TLE2: variants seen among roughly 807,000 people sequenced by gnomAD.
The protein encoded by TLE2 is TLE family member 2, transcriptional corepressor, also known as transducin-like enhancer protein 2.
In TLE2, 74 loss-of-function variants were observed where a neutral mutation model predicts 97.2. The ratio of observed to expected loss-of-function variants is 0.76; its 90% CI spans 0.63 to 0.92. TLE2 has a LOEUF of 0.92. Ranked by LOEUF, TLE2 falls within the 40% of genes least tolerant of loss-of-function variation. TLE2 has a pLI of 0.00. For missense variants in TLE2, 1,038 were observed against 1,008.7 expected, an observed-to-expected ratio of 1.03 and a Z score of -0.39; for synonymous variants, 499 against 432.1, an observed-to-expected ratio of 1.15 and a Z score of -1.92.
At chr19:3,009,495 C>A (rs1327680698) in intron 13 of TLE2, 47 bp downstream of exon 13, 1 of 1,542,342 alleles carries the variant, frequency 6.5e-7, no homozygotes. Flanking sequence ...CGGCCCCCAG[C>A]CCCTGGGCCC....
rs372996757 is a variant in TLE2 at position 3,013,627 on chromosome 19, G to A, written c.873+42C>T. 10 of 1,339,342 alleles carry A rather than the reference G, an allele frequency of 7.5e-6. No individual in the cohort carries two copies. The African/African-American group carries it at 7.5e-5, about 10-fold the overall frequency. The allele number at this position is 1,339,342 out of a possible 1,614,324, so 83.0% of individuals were successfully genotyped here. ...GGTAGCGTCTGCTTCGGGGCCCCCG[G>A]GATGAATAAAGTGAGTTTCAAGGCC... On this transcript the variant is annotated intron_variant, in intron 11 of 19. Coordinates refer to ENST00000262953, the MANE Select transcript of TLE2 (RefSeq NM_003260.5).
chr19:3,030,460 G>C (rs553965944), upstream of TLE2, among the ~76,000 whole-genome samples: 4 of 152,276 alleles, frequency 2.6e-5, no homozygotes, highest in African/African-American at 9.6e-5. Flanking sequence ...TGCATACTGT[G>C]GACCACACAC....
At chr19:3,043,003 G>A (rs1050145903) in intron 1 of TLE2, among the ~76,000 whole-genome samples, 1 of 152,030 alleles carries the variant, frequency 6.6e-6, no homozygotes, top group Non-Finnish European at 1.5e-5. Flanking sequence ...TTATTTTTTA[G>A]AGACAGGGGT....
In TLE2 at chr19:3,002,397, T is replaced by C; in HGVS notation, c.2003A>G (p.His668Arg). 2 of 1,613,494 alleles carry C rather than the reference T, an allele frequency of 1.2e-6. No individual in the cohort carries two copies. The highest frequency in any genetic ancestry group is 1.7e-6 in the Non-Finnish European group (2 of 1,179,802). ...GGACAGCACGCAGCTCTCGTGGAGG[T>C]GCAGCTGGTATTTCTCCGGCTTGCG... The part of the protein sequence containing the change: ...HVRKPEKYQL[H>R]LHESCVLSLK... Residue 668 changes from histidine to arginine, a missense_variant, in exon 18 of 20, where the codon CAC becomes CGC. Coordinates refer to ENST00000262953, the MANE Select transcript of TLE2 (RefSeq NM_003260.5).
At chr19:3,009,873 G>A (rs1004055673) in intron 12 of TLE2, among the ~76,000 whole-genome samples, 171 bp from the exon 13 acceptor site, 10 of 121,982 alleles carry the variant, frequency 8.2e-5, no homozygotes, top group African/African-American at 2.0e-4. Flanking sequence ...CAGTGGACAC[G>A]ACTTTCTCTC....
At chr19:3,038,144 CAATAAT>C (rs1186366305) in intron 1 of TLE2, among the ~76,000 whole-genome samples, 2 of 151,956 alleles carry the variant, frequency 1.3e-5, no homozygotes, top group African/African-American at 4.8e-5. Context: ...ATAACAATAA[CAATAAT>C]AATAATGCAT....
At chr19:3,030,969 C>G (rs911643324), upstream of TLE2, among the ~76,000 whole-genome samples, 2 of 138,702 alleles carry the variant, frequency 1.4e-5, no homozygotes, top group Admixed American at 1.4e-4. Flanking sequence ...AAAAAAAAAG[C>G]CCTTATCAAA....
chr19:3,018,179 T>C (rs1374586551), intron 7 of TLE2, among the ~76,000 whole-genome samples: 1 of 152,178 alleles, frequency 6.6e-6, no homozygotes. Flanking sequence ...TTGCCCAGGC[T>C]GGAGTGCAGT....
At position 3,011,952 on chromosome 19, in the gene TLE2, C is replaced by G. The variant is rs118081031; in HGVS notation, c.874-792G>C. 8.2e-3 allele frequency among the ~76,000 whole-genome samples: 1,219 copies of G among 149,124 alleles called. 2 individuals carry two copies. Among genetic ancestry groups the G allele is most frequent in the Non-Finnish European group, 0.014 (934 of 67,124 alleles). ...TTAATACAGGGTCTTGCTCTCAAAA[C>G]TAACATGATCAGACAGGCGCTGTGG... On this transcript the variant is annotated intron_variant, in intron 11 of 19. Transcript: ENST00000262953.
chr19:3,015,530 G>T, intron 9 of TLE2, 123 bp downstream of exon 9: 1 of 709,970 alleles, frequency 1.4e-6, no homozygotes. Context: ...TGAGTAGTAG[G>T]GAGCTATGGG....
chr19:3,015,564 G>C, intron 9 of TLE2, 89 bp downstream of exon 9: 2 of 1,012,496 alleles, frequency 2.0e-6, no homozygotes, highest in South Asian at 2.7e-5. Context: ...AGAGAATTAT[G>C]GCCAGAGCTG....
intron 1 of TLE2, among the ~76,000 whole-genome samples, chr19:3,039,562 C>G (rs12052132): frequency 0.2 from 29,709 of 152,132 alleles, 3,372 homozygotes; most frequent in Non-Finnish European, 0.25. Context: ...CTCCCCTCCT[C>G]CTACCTGCTC....
At chr19:3,017,592 A>T (rs2145172359) in intron 8 of TLE2, among the ~76,000 whole-genome samples, 1 of 151,894 alleles carries the variant, frequency 6.6e-6, no homozygotes, top group East Asian at 1.9e-4. Flanking sequence ...CTGACACAAC[A>T]GGCATGGACC....
At chr19:3,010,214 A>T (rs543292737) in intron 12 of TLE2, among the ~76,000 whole-genome samples, 2 of 151,770 alleles carry the variant, frequency 1.3e-5, no homozygotes, top group Non-Finnish European at 2.9e-5. Flanking sequence ...AAATACAAAA[A>T]TTAGCTGGGC....
intron 7 of TLE2, among the ~76,000 whole-genome samples, chr19:3,018,358 A>T (rs558536331): frequency 1.3e-5 from 2 of 151,744 alleles, no homozygotes; most frequent in Admixed American, 6.6e-5. Flanking sequence ...CCCAGGCTGG[A>T]CTTGGCTCAC....
At position 3,039,354 on chromosome 19, in the gene TLE2, G is replaced by A. The variant is rs565034643; in HGVS notation, c.63+6372C>T. Among the ~76,000 whole-genome samples the A allele has an allele frequency of 1.1e-4, 16 of 151,250 alleles. No individual in the cohort carries two copies. In the South Asian group the frequency reaches 2.9e-3, roughly 28 times the overall value. On this transcript the variant is annotated intron_variant, in intron 1 of 18. Coordinates refer to the TLE2 transcript ENST00000426948. ...CTGTCTATGTGATCTGACTTCCATC[G>A]CCTCCCTCCTCTCACCTCCTCCCAC... is the stretch of plus-strand genomic sequence containing the variant.
At chr19:3,027,623 C>G (rs565449972) in intron 4 of TLE2, among the ~76,000 whole-genome samples, 24 of 152,294 alleles carry the variant, frequency 1.6e-4, no homozygotes, top group South Asian at 2.1e-4. Context: ...ATACTGTCTT[C>G]AGAAGGTGGG....
upstream of TLE2, among the ~76,000 whole-genome samples, chr19:3,030,638 A>G (rs1400338866): frequency 6.6e-6 from 1 of 152,120 alleles, no homozygotes; most frequent in East Asian, 1.9e-4. Flanking sequence ...AGCCCTTATC[A>G]ATGGGCCAGG....
intron 1 of TLE2, among the ~76,000 whole-genome samples, chr19:3,043,939 G>A (rs893411634): frequency 3.3e-5 from 5 of 151,746 alleles, no homozygotes; most frequent in Admixed American, 1.3e-4. Context: ...AGCCAAGATC[G>A]CACCACTGCA....
Sources: gnomAD v4.1 joint callset for allele counts (sites outside exome capture counted in the v4.1 genomes callset) on GRCh38, gnomAD v4.1.1 for gene constraint, MANE v1.5 for transcripts, NCBI Gene and HGNC (gene_info 2026-07-23, HGNC 2026-07-21) for gene names.